Variants in SSX2IP observed in about 807,000 individuals in gnomAD.
SSX2IP encodes afadin- and alpha-actinin-binding protein.
SSX2IP carries 55 observed loss-of-function variants against 84.9 expected under a neutral mutation model. The ratio of observed to expected loss-of-function variants is 0.65; its 90% CI spans 0.52 to 0.81. The LOEUF (loss-of-function observed/expected upper bound fraction) is 0.81. Among genes scored for constraint, SSX2IP ranks in the 30% least tolerant of loss-of-function variants. The pLI, the probability that SSX2IP is intolerant of heterozygous loss-of-function variation, is 0.00. For missense variants in SSX2IP, 664 were observed against 705.2 expected (o/e 0.94, Z 0.66); for synonymous variants, 239 against 234.7 (o/e 1.02, Z -0.17).
intron 1 of SSX2IP, 26 bp from the exon 2 acceptor site, chr1:84,671,334 A>G (rs1570672112): frequency 1.4e-6 from 2 of 1,471,626 alleles, no homozygotes; most frequent in East Asian, 5.0e-5. Flanking sequence ...ATAGAATAAT[A>G]GCATCTAATT....
intron 4 of SSX2IP, among the ~76,000 whole-genome samples, chr1:84,668,761 T>TA (rs757373174): frequency 6.6e-6 from 1 of 152,024 alleles, no homozygotes; most frequent in Non-Finnish European, 1.5e-5. Flanking sequence ...GGGTTTTTTT[T>TA]ATTGTTTTCT....
At chr1:84,651,743 A>G (rs1650283437) in intron 12 of SSX2IP, 140 bp downstream of exon 12, 1 of 580,534 alleles carries the variant, frequency 1.7e-6, no homozygotes, top group South Asian at 3.1e-5. Context: ...CAAACAAAAA[A>G]AAGTTGACTT....
chr1:84,660,895 C>CAAAAAAAAAA (rs11362631), intron 8 of SSX2IP, among the ~76,000 whole-genome samples: 37 of 97,914 alleles, frequency 3.8e-4, no homozygotes, highest in Non-Finnish European at 6.0e-4. Flanking sequence ...TACTAAAATA[C>CAAAAAAAAAA]AAAAAAAAAA....
intron 1 of SSX2IP, among the ~76,000 whole-genome samples, chr1:84,689,759 A>G (rs1656321666): frequency 6.6e-6 from 1 of 152,238 alleles, no homozygotes; most frequent in Non-Finnish European, 1.5e-5. Context: ...ATAAAATTCT[A>G]AACCAAAGTA....
intron 1 of SSX2IP, among the ~76,000 whole-genome samples, chr1:84,685,867 A>C (rs1311851127): frequency 6.6e-6 from 1 of 152,170 alleles, no homozygotes; most frequent in Non-Finnish European, 1.5e-5. Flanking sequence ...AGGCTATAGA[A>C]TAGAGAATAA....
chr1:84,670,645 C>T lies in SSX2IP; in HGVS notation c.213+1G>A, dbSNP rs1175654710. Reference sequence around the variant, plus strand: ...TACTGTTTTTTACAAAAACATGTTACCTGATCAAGATATGAGATACTCTGT... The same window carrying T: ...TACTGTTTTTTACAAAAACATGTTATCTGATCAAGATATGAGATACTCTGT... On this transcript the variant is annotated splice_donor_variant, in intron 3 of 13. Transcript: ENST00000342203. LOFTEE classifies it high-confidence loss of function. 6.3e-7 allele frequency: 1 copy of T among 1,576,504 alleles called. No individual in the cohort carries two copies. Among genetic ancestry groups the T allele is most frequent in the Non-Finnish European group, 8.6e-7 (1 of 1,159,786 alleles).
At chr1:84,657,905 A>G (rs1041768316) in intron 9 of SSX2IP, among the ~76,000 whole-genome samples, 12 of 152,146 alleles carry the variant, frequency 7.9e-5, no homozygotes, top group African/African-American at 2.9e-4. Context: ...AGGCCAAGGC[A>G]GGTGAATCAC....
chr1:84,671,085 C>A, intron 2 of SSX2IP, 92 bp downstream of exon 2: 1 of 1,436,472 alleles, frequency 7.0e-7, no homozygotes, highest in Non-Finnish European at 9.5e-7. Context: ...TTAGTCACAT[C>A]TTCAACATCT....
Position 84,647,694 on chromosome 1 carries a change from A to G in SSX2IP, c.1671-87T>C. On this transcript the variant is annotated intron_variant, in intron 13 of 13. Transcript: ENST00000342203. ...CATAATGTGGCACTCTTCAAAAAAAATAAGTTCCTTTTAATTCTAAAAATC... is the reference window on the plus strand; with the variant it reads ...CATAATGTGGCACTCTTCAAAAAAAGTAAGTTCCTTTTAATTCTAAAAATC... 10 of 1,067,808 alleles carry G rather than the reference A, an allele frequency of 9.4e-6. 1 individual carries two copies. Among genetic ancestry groups the G allele is most frequent in the East Asian group, 6.0e-5 (2 of 33,346 alleles). 66.1% of individuals were successfully genotyped at this position (1,067,808 alleles called of 1,614,324 possible).
chr1:84,683,638 T>G (rs898585451), intron 1 of SSX2IP, among the ~76,000 whole-genome samples: 3 of 152,166 alleles, frequency 2.0e-5, no homozygotes, highest in African/African-American at 4.8e-5. Flanking sequence ...CATCACTCAC[T>G]CCAAGGTTGG....
intron 11 of SSX2IP, chr1:84,655,621 T>C (rs1399746355): frequency 2.7e-5 from 40 of 1,504,170 alleles, no homozygotes; most frequent in Non-Finnish European, 3.4e-5. Context: ...ATAGCGTTTT[T>C]TTTTCTTAAG....
At position 84,646,024 on chromosome 1, in the gene SSX2IP, A is replaced by G. The variant is rs1649425594; in HGVS notation, c.*1409T>C. Reference sequence around the variant, plus strand: ...TACGTATAGTGAATGGACAACACAAATAGGTGGGTTTTTTTTGTTTTTTAA... The same window carrying G: ...TACGTATAGTGAATGGACAACACAAGTAGGTGGGTTTTTTTTGTTTTTTAA... On this transcript the variant is annotated 3_prime_UTR_variant, in exon 14 of 14. Transcript: ENST00000342203. 1 of 152,196 alleles carries G rather than the reference A, an allele frequency of 6.6e-6. No individual in the cohort carries two copies. Among genetic ancestry groups the G allele is most frequent in the Non-Finnish European group, 1.5e-5 (1 of 68,026 alleles). The allele number at this position is 152,196 out of a possible 1,614,324, so 9.4% of individuals were successfully genotyped here.
chr1:84,666,327 G>T, intron 4 of SSX2IP, 95 bp from the exon 5 acceptor site: 3 of 841,136 alleles, frequency 3.6e-6, no homozygotes, highest in Non-Finnish European at 5.8e-6. Flanking sequence ...ATACATCCTA[G>T]TGTTTATTAG....
Position 84,644,915 on chromosome 1 carries a change from T to G in SSX2IP, c.*2518A>C, listed in dbSNP as rs1396173075. On this transcript the variant is annotated 3_prime_UTR_variant, in exon 14 of 14. Coordinates refer to ENST00000342203, the MANE Select transcript of SSX2IP (RefSeq NM_001166293.2). ...ATTGCTTCTATAAGAAAATACTATT[T>G]GTTAAATTTTAGTCATAATTTCATT... The G allele has an allele frequency of 6.6e-6, 1 of 152,246 alleles. No homozygotes were observed. Among genetic ancestry groups the G allele is most frequent in the Non-Finnish European group, 1.5e-5 (1 of 68,040 alleles). 9.4% of individuals were successfully genotyped at this position (152,246 alleles called of 1,614,324 possible). A position where few individuals can be genotyped will look rare whatever the true frequency, so the allele number is the denominator to read the frequency against.
intron 12 of SSX2IP, among the ~76,000 whole-genome samples, chr1:84,651,415 C>G (rs1439473369): frequency 6.6e-6 from 1 of 152,166 alleles, no homozygotes. Flanking sequence ...CTCACTTTCA[C>G]TACAGTAAAT....
chr1:84,647,723 G>C, intron 13 of SSX2IP, 116 bp from the exon 14 acceptor site: 125 of 538,036 alleles, frequency 2.3e-4, no homozygotes, highest in Middle Eastern at 6.0e-4. Flanking sequence ...AAAAATCTAG[G>C]CCAAAAATAT....
In SSX2IP at chr1:84,647,479, G is replaced by A. The variant is rs1649586678; in HGVS notation, c.1799C>T (p.Ser600Phe). 6.2e-7 allele frequency: 1 copy of A among 1,612,002 alleles called. No homozygotes were observed. The highest frequency in any genetic ancestry group is 8.5e-7 in the Non-Finnish European group (1 of 1,178,898). Reference protein sequence around the residue: ...GSQEGCYSGCSLSYTNSHVEK... With the variant: ...GSQEGCYSGCFLSYTNSHVEK... ...TACATGAGAATTTGTGTAGCTCAAG[G>A]AGCATCCACTATAGCAACCTTCCTG... The change falls in exon 14 of 14, where the codon TCC becomes TTC. Residue 600 changes from serine (S) to phenylalanine (F), a missense_variant. Coordinates refer to ENST00000342203, the MANE Select transcript of SSX2IP (RefSeq NM_001166293.2).
chr1:84,667,973 T>A (rs1652996601), intron 4 of SSX2IP, among the ~76,000 whole-genome samples: 1 of 152,164 alleles, frequency 6.6e-6, no homozygotes, highest in African/African-American at 2.4e-5. Context: ...ACTCAGTGCC[T>A]AGCATATACT....
At chr1:84,685,706 C>A (rs1185382284) in intron 1 of SSX2IP, among the ~76,000 whole-genome samples, 1 of 152,218 alleles carries the variant, frequency 6.6e-6, no homozygotes, top group Non-Finnish European at 1.5e-5. Flanking sequence ...GATATCAATT[C>A]TCTGAGCCTA....
Sources: allele counts gnomAD v4.1 joint callset (sites outside exome capture counted in the v4.1 genomes callset), GRCh38; gene constraint gnomAD v4.1.1; transcripts MANE v1.5; gene names NCBI Gene and HGNC (gene_info 2026-07-23, HGNC 2026-07-21).